The following MYO7A variants were observed in gnomAD, a reference collection of about 807,000 sequenced individuals.
The protein encoded by MYO7A is myosin VIIA, also known as unconventional myosin-VIIa.
Under a neutral mutation model 263.8 loss-of-function variants are expected in MYO7A, and 210 were observed. The ratio of observed to expected loss-of-function variants is 0.80; its 90% CI spans 0.71 to 0.89. MYO7A has a LOEUF of 0.89. Ranked by LOEUF, MYO7A falls within the 40% of genes least tolerant of loss-of-function variation. The pLI, the probability that MYO7A is intolerant of heterozygous loss-of-function variation, is 0.00. For missense variants in MYO7A, 2,820 were observed against 2,968.3 expected (o/e 0.95, Z 1.16); for synonymous variants, 1,239 against 1,197.3 (o/e 1.03, Z -0.72).
In MYO7A at chr11:77,174,896, GA is replaced by G; in HGVS notation, c.2078del (p.Lys693SerfsTer29). 1 of 1,613,696 alleles carries G rather than the reference GA, an allele frequency of 6.2e-7. No homozygotes were observed. The highest frequency in any genetic ancestry group is 8.5e-7 in the Non-Finnish European group (1 of 1,179,838). On this transcript the variant is annotated frameshift_variant, in exon 17 of 49. Transcript: ENST00000409709. LOFTEE classifies it high-confidence loss of function. ...ERYRVLLPGV[K>X]PAYKQGDLRG... ...GGTACCGTGTGCTGCTGCCAGGTGTGAAGCCGGCCTACAAGCAGGTACAGGG... is the reference window on the plus strand; with the variant it reads ...GGTACCGTGTGCTGCTGCCAGGTGTGAGCCGGCCTACAAGCAGGTACAGGG...
chr11:77,155,848 T>G (rs1164399245), intron 4 of MYO7A, 59 bp from the exon 5 acceptor site: 2 of 1,488,458 alleles, frequency 1.3e-6, no homozygotes, highest in African/African-American at 2.8e-5. Flanking sequence ...CCAAGAGCTT[T>G]CTAGAGTCAG....
Position 77,156,938 on chromosome 11 carries a change from G to A in MYO7A, c.669G>A (p.Lys223=), listed in dbSNP as rs782530164. ...AGTACATCGACATCCACTTCAACAA[G>A]CGGGGCGCCATCGAGGGCGCGAAGA... The part of the protein sequence containing the change: ...FGKYIDIHFN[K]RGAIEGAKIE... The change falls in exon 7 of 49, where the codon AAG becomes AAA. Residue 223 remains lysine, a synonymous_variant. Coordinates refer to ENST00000409709, the MANE Select transcript of MYO7A (RefSeq NM_000260.4). 3.7e-6 allele frequency: 6 copies of A among 1,613,892 alleles called. No homozygotes were observed. The African/African-American group carries it at 6.7e-5, about 18-fold the overall frequency.
In MYO7A at chr11:77,182,251, G is replaced by T. The variant is rs1955295297; in HGVS notation, c.3108+97G>T. Reference sequence around the variant, plus strand: ...GTGGCCGTAGGTGATGAGGGTGGTGGGTCCCTGGGGGCCAGGGACCAGGTC... The same window carrying T: ...GTGGCCGTAGGTGATGAGGGTGGTGTGTCCCTGGGGGCCAGGGACCAGGTC... On this transcript the variant is annotated intron_variant, in intron 24 of 48. Coordinates refer to ENST00000409709, the MANE Select transcript of MYO7A (RefSeq NM_000260.4). 2.7e-6 allele frequency: 4 copies of T among 1,499,984 alleles called. No homozygotes were observed. The East Asian group carries it at 9.2e-5, about 35-fold the overall frequency. 92.9% of individuals were successfully genotyped at this position (1,499,984 alleles called of 1,614,324 possible). A position where few individuals can be genotyped will look rare whatever the true frequency, so the allele number is the denominator to read the frequency against.
intron 46 of MYO7A, chr11:77,212,663 A>G: frequency 2.0e-6 from 1 of 496,368 alleles, no homozygotes; most frequent in Non-Finnish European, 3.7e-6. Context: ...GAGAACAGGT[A>G]GGTAGCTGGA....
At chr11:77,194,016 G>A (rs1367616932) in intron 31 of MYO7A, 1 of 522,668 alleles carries the variant, frequency 1.9e-6, no homozygotes, top group East Asian at 5.1e-5. Context: ...TGTCAGCTCT[G>A]GTCGCTGTCT....
intron 2 of MYO7A, among the ~76,000 whole-genome samples, chr11:77,132,136 G>A (rs1289719089): frequency 2.6e-5 from 4 of 151,848 alleles, no homozygotes; most frequent in African/African-American, 7.3e-5. Flanking sequence ...AAAGGTCCAC[G>A]GAGTGCTTGG....
At chr11:77,192,328 G>A in intron 31 of MYO7A, 50 bp downstream of exon 31, 1 of 1,571,644 alleles carries the variant, frequency 6.4e-7, no homozygotes, top group Non-Finnish European at 8.8e-7. Context: ...ACAGCCTCCT[G>A]CTTTCCACGT....
chr11:77,141,548 A>T (rs1951211479), intron 2 of MYO7A, among the ~76,000 whole-genome samples: 1 of 152,108 alleles, frequency 6.6e-6, no homozygotes, highest in African/African-American at 2.4e-5. Context: ...TTTTATTAGG[A>T]TTAGAATAAA....
intron 24 of MYO7A, 54 bp from the exon 25 acceptor site, chr11:77,182,370 A>C: frequency 1.3e-6 from 2 of 1,529,294 alleles, no homozygotes; most frequent in East Asian, 2.4e-5. Context: ...GGTCATTTTG[A>C]CAGCTTTAGC....
chr11:77,132,571 C>A (rs1555046336), intron 2 of MYO7A, among the ~76,000 whole-genome samples: 1 of 152,114 alleles, frequency 6.6e-6, no homozygotes, highest in Non-Finnish European at 1.5e-5. Context: ...TCACTGCAAC[C>A]TTCGACTCCC....
At chr11:77,151,951 C>T (rs906074406) in intron 4 of MYO7A, among the ~76,000 whole-genome samples, 6 of 152,190 alleles carry the variant, frequency 3.9e-5, no homozygotes, top group Admixed American at 6.5e-5. Flanking sequence ...CCCTACCCCC[C>T]ACACATCTGC....
rs987819067 is a variant in MYO7A at position 77,160,407 on chromosome 11, G to A, written c.1200+125G>A. 39 of 1,370,962 alleles carry A rather than the reference G, an allele frequency of 2.8e-5. No homozygotes were observed. In the East Asian group the frequency reaches 9.6e-4, roughly 34 times the overall value. The allele number at this position is 1,370,962 out of a possible 1,614,324, so 84.9% of individuals were successfully genotyped here. ...TGGGTCGCCACCCCTGCCTGCCCCG[G>A]GGCTGCAGTCGGCCTTCCTTGAGTC... is the stretch of plus-strand genomic sequence containing the variant. On this transcript the variant is annotated intron_variant, in intron 11 of 48. Transcript: ENST00000409709.
chr11:77,213,887 A>T lies in MYO7A; in HGVS notation c.6466A>T (p.Lys2156Ter). The T allele has an allele frequency of 6.2e-7, 1 of 1,614,040 alleles. No individual in the cohort carries two copies. The highest frequency in any genetic ancestry group is 8.5e-7 in the Non-Finnish European group (1 of 1,179,894). Residue 2156 changes from lysine (K) to a stop codon, truncating the protein, a stop_gained, in exon 48 of 49, where the codon AAG (lysine) becomes TAG (stop). Transcript: ENST00000409709. LOFTEE classifies it high-confidence loss of function. ...TATCCTCACCACTCATCCCTTCACC[A>T]AGATCTCCAACTGGAGCAGCGGCAA... Reference protein sequence around the residue: ...KDILTTHPFTKISNWSSGNTY... With the variant: ...KDILTTHPFT
intron 34 of MYO7A, 25 bp from the exon 35 acceptor site, chr11:77,199,510 C>T: frequency 1.3e-5 from 19 of 1,459,594 alleles, no homozygotes; most frequent in Non-Finnish European, 1.6e-5. Context: ...GCATGACTGA[C>T]TCAACTGGCC....
chr11:77,166,141 C>T lies in MYO7A; in HGVS notation c.1776C>T (p.Ile592=), dbSNP rs781946898. 4 of 1,613,798 alleles carry T rather than the reference C, an allele frequency of 2.5e-6. No homozygotes were observed. Among genetic ancestry groups the T allele is most frequent in the African/African-American group, 2.7e-5 (2 of 74,928 alleles). ...CCAGGAACAAGTTCATCAAGCAGAT[C>T]TTCCAGGCCGATGTCGCCATGGTAA... is the stretch of plus-strand genomic sequence containing the variant. ...HSSRNKFIKQ[I]FQADVAMGAE... The change falls in exon 15 of 49, where the codon ATC becomes ATT. Residue 592 remains isoleucine, a synonymous_variant. Coordinates refer to ENST00000409709, the MANE Select transcript of MYO7A (RefSeq NM_000260.4).
At position 77,157,339 on chromosome 11, in the gene MYO7A, CAGA is replaced by C. The variant is rs781896482; in HGVS notation, c.805_807del (p.Lys269del). 2.5e-6 allele frequency: 4 copies of C among 1,612,396 alleles called. No homozygotes were observed. The highest frequency in any genetic ancestry group is 3.4e-6 in the Non-Finnish European group (4 of 1,179,274). ...CATGCTGGAGGGTATGAGTGAGGAT[CAGA>C]AGAAGAAGCTGGGCTTGGGCCAGGC... On this transcript the variant is annotated inframe_deletion, in exon 8 of 49. Transcript: ENST00000409709.
chr11:77,177,366 C>T (rs566486285), intron 18 of MYO7A, among the ~76,000 whole-genome samples, 183 bp from the exon 19 acceptor site: 3 of 152,342 alleles, frequency 2.0e-5, no homozygotes, highest in East Asian at 3.9e-4. Context: ...ACAGCCACAA[C>T]CCCTGTCTGT....
Position 77,182,466 on chromosome 11 carries a change from G to T in MYO7A, c.3151G>T (p.Asp1051Tyr). 6.2e-7 allele frequency: 1 copy of T among 1,613,392 alleles called. No individual in the cohort carries two copies. The highest frequency in any genetic ancestry group is 8.5e-7 in the Non-Finnish European group (1 of 1,179,826). ...GATCACCATCCTCCGCTTCATGGGG[G>T]ACCTCCCTGAGCCCAAGTACCACAC... ...VWITILRFMG[D>Y]LPEPKYHTAM... Residue 1051 changes from aspartate to tyrosine, a missense_variant, in exon 25 of 49, where the codon GAC becomes TAC. Coordinates refer to ENST00000409709, the MANE Select transcript of MYO7A (RefSeq NM_000260.4).
rs910101522 is a variant in MYO7A at position 77,194,330 on chromosome 11, T to C, written c.4153-24T>C. The C allele has an allele frequency of 3.7e-6, 6 of 1,604,642 alleles. No individual in the cohort carries two copies. The Admixed American group carries it at 6.8e-5, about 18-fold the overall frequency. On this transcript the variant is annotated intron_variant, in intron 31 of 48. Transcript: ENST00000409709. ...TCCTGGAGGGGCCTGGGCCAATGCATGACCGAGGCCTCCCCCCACCTAGGA... is the reference window on the plus strand; with the variant it reads ...TCCTGGAGGGGCCTGGGCCAATGCACGACCGAGGCCTCCCCCCACCTAGGA...
Sources: allele counts gnomAD v4.1 joint callset (sites outside exome capture counted in the v4.1 genomes callset), GRCh38; gene constraint gnomAD v4.1.1; transcripts MANE v1.5; gene names NCBI Gene and HGNC (gene_info 2026-07-23, HGNC 2026-07-21).